LILRA1: variants seen among roughly 807,000 people sequenced by gnomAD.
LILRA1 encodes leukocyte immunoglobulin-like receptor subfamily A member 1.
In LILRA1, 51 loss-of-function variants were observed where a neutral mutation model predicts 51.6. The ratio of observed to expected loss-of-function variants is 0.99; its 90% CI spans 0.79 to 1.25. The LOEUF (loss-of-function observed/expected upper bound fraction) is 1.25, where lower values mean the gene tolerates loss of function less well. Ranked by LOEUF, LILRA1 falls within the 50% of genes most tolerant of loss-of-function variation. The pLI is 0.00. For missense variants in LILRA1, 660 were observed against 611.7 expected, an observed-to-expected ratio of 1.08 and a Z score of -0.83; for synonymous variants, 305 against 248.4, an observed-to-expected ratio of 1.23 and a Z score of -2.14.
At chr19:54,594,384 A>G in intron 2 of LILRA1, 57 bp from the exon 3 acceptor site, 1 of 1,614,190 alleles carries the variant, frequency 6.2e-7, no homozygotes, top group South Asian at 1.1e-5. Flanking sequence ...GATCCCAGGG[A>G]GGGGAGGACC....
chr19:54,596,225 CG>C lies in LILRA1; in HGVS notation c.998del (p.Gly333AlafsTer10). The C allele has an allele frequency of 6.2e-7, 1 of 1,614,068 alleles. No homozygotes were observed. The highest frequency in any genetic ancestry group is 8.5e-7 in the Non-Finnish European group (1 of 1,179,996). On this transcript the variant is annotated frameshift_variant, in exon 7 of 10. Coordinates refer to ENST00000251372, the MANE Select transcript of LILRA1 (RefSeq NM_006863.4). LOFTEE classifies it high-confidence loss of function. Reference protein sequence around the residue: ...FRGRPFISVHPGPTVASGENV... With the variant: ...FRGRPFISVHXGPTVASGENV... ...GGCAGACCCTTCATCTCGGTGCATC[CG>C]GGCCCCACGGTGGCCTCAGGAGAGA...
In LILRA1 at chr19:54,595,296, C is replaced by T. The variant is rs766435380; in HGVS notation, c.555C>T (p.Gly185=). 20 of 1,613,996 alleles carry T rather than the reference C, an allele frequency of 1.2e-5. No individual in the cohort carries two copies. The highest frequency in any genetic ancestry group is 1.6e-4 in the Middle Eastern group (1 of 6,084). The change falls in exon 5 of 10, where the codon GGC becomes GGT. Residue 185 remains glycine, a synonymous_variant. Transcript: ENST00000251372. ...GGTCCCGGGCCATCTTCTCTGTGGG[C>T]CCCGTGAGCCCGAGTCGCAGGTGGT... The part of the protein sequence containing the change: ...HGWSRAIFSV[G]PVSPSRRWSY...
intron 7 of LILRA1, among the ~76,000 whole-genome samples, chr19:54,598,867 C>T (rs2063112218): frequency 6.6e-6 from 1 of 152,154 alleles, no homozygotes; most frequent in South Asian, 2.1e-4. Context: ...GAAATCTTGG[C>T]TCACTGCAAC....
rs111879471 is a variant in LILRA1 at position 54,594,684 on chromosome 19, A to G, written c.90A>G (p.Thr30=). 6.5e-6 allele frequency: 10 copies of G among 1,542,290 alleles called. No homozygotes were observed. The Middle Eastern group carries it at 5.2e-4, about 81-fold the overall frequency. ...TTCCAGGGACCCTCCCCAAGCCCAC[A>G]CTCTGGGCTGAGCCAGGCTCTGTGA... ...HVQAGTLPKP[T]LWAEPGSVIT... Residue 30 remains threonine (T), a synonymous_variant, in exon 4 of 10, where the codon ACA becomes ACG. Coordinates refer to ENST00000251372, the MANE Select transcript of LILRA1 (RefSeq NM_006863.4).
intron 7 of LILRA1, among the ~76,000 whole-genome samples, chr19:54,596,809 G>A (rs746681231): frequency 2.3e-4 from 35 of 152,082 alleles, no homozygotes; most frequent in Non-Finnish European, 4.9e-4. Flanking sequence ...GGAGCTTGCC[G>A]TGAGCTGATG....
At position 54,600,685 on chromosome 19, in the gene LILRA1, C is replaced by T. The variant is rs548118945; in HGVS notation, c.1352-14C>T. ...TGCCCTGACCTCTGTGACCTCTTTG[C>T]CCACCATCCCCAGCCTCACACCCCC... On this transcript the variant is annotated splice_polypyrimidine_tract_variant and intron_variant, in intron 9 of 9. Coordinates refer to ENST00000251372, the MANE Select transcript of LILRA1 (RefSeq NM_006863.4). 2.5e-6 allele frequency: 4 copies of T among 1,613,706 alleles called. No individual in the cohort carries two copies. The highest frequency in any genetic ancestry group is 2.2e-5 in the East Asian group (1 of 44,878).
intron 7 of LILRA1, among the ~76,000 whole-genome samples, chr19:54,598,119 C>A (rs930080043): frequency 6.6e-6 from 1 of 151,766 alleles, no homozygotes; most frequent in Non-Finnish European, 1.5e-5. Context: ...ATTCACAGCA[C>A]GTCTCATATG....
At position 54,594,467 on chromosome 19, in the gene LILRA1, G is replaced by T; in HGVS notation, c.61G>T (p.Val21Leu). Residue 21 changes from valine to leucine, a missense_variant, in exon 3 of 10, where the codon GTG (valine) becomes TTG (leucine). Physicochemically the swap from Val to Leu is conservative, Grantham distance 32. Transcript: ENST00000251372. ...GCTGAGTCTGGGCCCCCGGACCCAC[G>T]TGCAGGCAGGTGAGTCTGTCCCCAG... ...LRLSLGPRTH[V>L]QAGTLPKPTL... 1.9e-6 allele frequency: 3 copies of T among 1,614,128 alleles called. No individual in the cohort carries two copies. The highest frequency in any genetic ancestry group is 1.7e-6 in the Non-Finnish European group (2 of 1,180,012).
intron 5 of LILRA1, 33 bp from the exon 6 acceptor site, chr19:54,595,606 C>G: frequency 6.3e-7 from 1 of 1,581,918 alleles, no homozygotes; most frequent in Non-Finnish European, 8.6e-7. Flanking sequence ...GCCTGAGGGT[C>G]GGCTCCTGGA....
rs1368580876 is a variant in LILRA1, at chr19:54,596,109, A to G, written c.959-80A>G. On this transcript the variant is annotated intron_variant, in intron 6 of 9. Coordinates refer to ENST00000251372, the MANE Select transcript of LILRA1 (RefSeq NM_006863.4). The stretch of plus-strand genomic sequence containing the variant: ...TCAGAGAAAACAGAGATAGAGACTG[A>G]GGGTCCCAGATAGAAGCCTGGGGAG... The G allele has an allele frequency of 5.2e-6, 8 of 1,549,442 alleles. No individual in the cohort carries two copies. The East Asian group carries it at 1.6e-4, about 31-fold the overall frequency.
At position 54,601,466 on chromosome 19, in the gene LILRA1, T is replaced by A. The variant is rs2063160140; in HGVS notation, c.*649T>A. 6.5e-6 allele frequency: 1 copy of A among 153,040 alleles called. No individual in the cohort carries two copies. The highest frequency in any genetic ancestry group is 2.4e-5 in the African/African-American group (1 of 41,432). 9.5% of individuals were successfully genotyped at this position (153,040 alleles called of 1,614,324 possible). A position where few individuals can be genotyped will look rare whatever the true frequency, so the allele number is the denominator to read the frequency against. On this transcript the variant is annotated 3_prime_UTR_variant, in exon 10 of 10. Transcript: ENST00000251372. ...CACCCTACACCCATTCAGCAGCCAC[T>A]CCCCATTCCCTCTTCCCTCCAGCAC... is the stretch of plus-strand genomic sequence containing the variant.
In LILRA1 at chr19:54,601,096, G is replaced by T; in HGVS notation, c.*279G>T. On this transcript the variant is annotated 3_prime_UTR_variant, in exon 10 of 10. Transcript: ENST00000251372. ...CCTCTTCTTTCCCCACCCCCAGACA[G>T]ACATGAGGCTACATCCCACATGGCA... The T allele has an allele frequency of 1.9e-6, 1 of 524,640 alleles. No homozygotes were observed. The highest frequency in any genetic ancestry group is 3.4e-5 in the East Asian group (1 of 29,222). The allele number at this position is 524,640 out of a possible 1,614,324, so 32.5% of individuals were successfully genotyped here.
intron 7 of LILRA1, among the ~76,000 whole-genome samples, chr19:54,598,160 G>A (rs986021897): frequency 2.6e-5 from 4 of 151,874 alleles, no homozygotes; most frequent in Admixed American, 6.5e-5. Context: ...TTTTCTGTAC[G>A]TATGCTTTCT....
chr19:54,594,926 G>T lies in LILRA1; in HGVS notation c.332G>T (p.Ser111Ile). The T allele has an allele frequency of 6.2e-7, 1 of 1,614,098 alleles. No homozygotes were observed. The highest frequency in any genetic ancestry group is 8.5e-7 in the Non-Finnish European group (1 of 1,179,968). The change falls in exon 4 of 10, where the codon AGT becomes ATT. Residue 111 changes from serine to isoleucine, a missense_variant. Transcript: ENST00000251372. ...GSHTAGWSEP[S>I]DPLELVVTGA... ...CACACTGCAGGCTGGTCAGAGCCCAGTGACCCCCTGGAGCTGGTGGTGACA... is the reference window on the plus strand; with the variant it reads ...CACACTGCAGGCTGGTCAGAGCCCATTGACCCCCTGGAGCTGGTGGTGACA...
Position 54,600,493 on chromosome 19 carries a change from CCT to C in LILRA1, c.1313-16_1313-15del, listed in dbSNP as rs1324287399. On this transcript the variant is annotated splice_polypyrimidine_tract_variant and intron_variant, in intron 8 of 9. Transcript: ENST00000251372. ...GGAGAGGCTGGCTCAGGGCTCTTCCCCTCTGTTTTTATTCTCAGGAGCAGCTA... is the reference window on the plus strand; with the variant it reads ...GGAGAGGCTGGCTCAGGGCTCTTCCCCTGTTTTTATTCTCAGGAGCAGCTA... 6.2e-7 allele frequency: 1 copy of C among 1,613,920 alleles called. No individual in the cohort carries two copies. The highest frequency in any genetic ancestry group is 8.5e-7 in the Non-Finnish European group (1 of 1,179,908).
In LILRA1 at chr19:54,595,944, C is replaced by G. The variant is rs750437765; in HGVS notation, c.958+9C>G. On this transcript the variant is annotated intron_variant, in intron 6 of 9. Coordinates refer to ENST00000251372, the MANE Select transcript of LILRA1 (RefSeq NM_006863.4). ...GGACATCCTGATCGCAGGTGAGGAG[C>G]CCAGCGGGTTCAGTCAGGGACACAG... The G allele has an allele frequency of 3.9e-5, 63 of 1,611,888 alleles. No homozygotes were observed. Among genetic ancestry groups the G allele is most frequent in the Non-Finnish European group, 5.2e-5 (61 of 1,179,814 alleles).
chr19:54,598,075 C>T (rs1255812083), intron 7 of LILRA1, among the ~76,000 whole-genome samples: 1 of 151,534 alleles, frequency 6.6e-6, no homozygotes, highest in East Asian at 2.0e-4. Context: ...TAAGGAGGGA[C>T]CGTGCACCTG....
rs143684479 is a variant in LILRA1, at chr19:54,596,420, G to A, written c.1190G>A (p.Cys397Tyr). Residue 397 changes from cysteine (C) to tyrosine (Y), a missense_variant, in exon 7 of 10, where the codon TGC becomes TAC. By Grantham distance (194) the Cys-to-Tyr change is radical. Transcript: ENST00000251372. ...TCAGCCCACTCGGGGACCTACAGGT[G>A]CTACGGCTCACTCAGCTCCAACCCC... ...VTSAHSGTYR[C>Y]YGSLSSNPYL... is the part of the protein sequence containing the mutation. 1.6e-4 allele frequency: 252 copies of A among 1,614,140 alleles called. No individual in the cohort carries two copies. In the African/African-American group the frequency reaches 3.1e-3, roughly 20 times the overall value.
At chr19:54,594,992 C>T (rs2063001495) in intron 4 of LILRA1, 40 bp downstream of exon 4, 4 of 1,610,340 alleles carry the variant, frequency 2.5e-6, no homozygotes, top group Non-Finnish European at 3.4e-6. Context: ...AGGCTCTGCC[C>T]TCAGGAAGGG....
Sources: gnomAD v4.1 joint callset for allele counts (sites outside exome capture counted in the v4.1 genomes callset) on GRCh38, gnomAD v4.1.1 for gene constraint, MANE v1.5 for transcripts, NCBI Gene and HGNC (gene_info 2026-07-23, HGNC 2026-07-21) for gene names.